The following KLF12 variants were observed in gnomAD, a reference collection of about 807,000 sequenced individuals.
KLF12 encodes the protein Krueppel-like factor 12.
A neutral mutation model predicts 37.8 loss-of-function variants in KLF12; 9 were observed. The observed-to-expected ratio is 0.24, with a 90% confidence interval of 0.14 to 0.42. KLF12 has a LOEUF of 0.42. Ranked by LOEUF, KLF12 falls within the 10% of genes least tolerant of loss-of-function variation. The pLI is 1.00. For synonymous variants in KLF12, 208 were observed against 202.1 expected, an observed-to-expected ratio of 1.03 and a Z score of -0.25; for missense variants, 411 against 516.0, an observed-to-expected ratio of 0.80 and a Z score of 1.97.
At chr13:74,110,598 C>T (rs1358441438) in intron 1 of KLF12, among the ~76,000 whole-genome samples, 2 of 152,066 alleles carry the variant, frequency 1.3e-5, no homozygotes, top group East Asian at 1.9e-4. Flanking sequence ...TCCTACTTTA[C>T]AGGTAGTACA....
At chr13:73,824,068 C>T (rs111643504) in intron 4 of KLF12, among the ~76,000 whole-genome samples, 2 of 152,192 alleles carry the variant, frequency 1.3e-5, no homozygotes, top group African/African-American at 4.8e-5. Context: ...TTTGTCCCTA[C>T]ACCCTGAACA....
intron 3 of KLF12, among the ~76,000 whole-genome samples, chr13:73,868,260 C>T (rs1399474230): frequency 6.8e-5 from 8 of 117,384 alleles, no homozygotes; most frequent in East Asian, 2.5e-4. Context: ...TGCGGTGAGC[C>T]GAGATGGTAC....
chr13:73,713,436 T>A (rs1462134696), intron 7 of KLF12, among the ~76,000 whole-genome samples: 1 of 152,172 alleles, frequency 6.6e-6, no homozygotes, highest in Non-Finnish European at 1.5e-5. Flanking sequence ...CATCTGGTTG[T>A]TAATAACAAA....
intron 1 of KLF12, among the ~76,000 whole-genome samples, chr13:74,068,916 C>T (rs1874070913): frequency 6.6e-6 from 1 of 152,128 alleles, no homozygotes; most frequent in South Asian, 2.1e-4. Flanking sequence ...TATCTTTTAA[C>T]TAACTTTTTG....
chr13:73,850,919 T>G (rs978691620), intron 3 of KLF12, among the ~76,000 whole-genome samples: 1 of 152,264 alleles, frequency 6.6e-6, no homozygotes, highest in Non-Finnish European at 1.5e-5. Flanking sequence ...TTGTTTTGTA[T>G]CCTGTTGTGT....
intron 4 of KLF12, among the ~76,000 whole-genome samples, chr13:73,830,067 T>A (rs150339199): frequency 2.0e-5 from 3 of 152,218 alleles, no homozygotes; most frequent in Admixed American, 2.0e-4. Context: ...AGAAATGTGC[T>A]TGTTAATAGT....
At chr13:74,134,378 G>A (rs890198416), upstream of KLF12, among the ~76,000 whole-genome samples, 1 of 151,568 alleles carries the variant, frequency 6.6e-6, no homozygotes, top group African/African-American at 2.4e-5. Flanking sequence ...CGCTCCGCCC[G>A]AGGATTAGGA....
At chr13:74,015,609 T>A (rs1221962006) in intron 1 of KLF12, among the ~76,000 whole-genome samples, 1 of 152,208 alleles carries the variant, frequency 6.6e-6, no homozygotes, top group Non-Finnish European at 1.5e-5. Flanking sequence ...CTAGATATAC[T>A]TACATACACC....
chr13:73,802,150 T>C (rs553204078), intron 5 of KLF12: 68 of 152,206 alleles, frequency 4.5e-4, no homozygotes, highest in African/African-American at 1.5e-3. Context: ...ATGTCAACCA[T>C]AGAAATGGAG....
chr13:73,965,171 C>T (rs928670177), intron 2 of KLF12, among the ~76,000 whole-genome samples: 1 of 152,040 alleles, frequency 6.6e-6, no homozygotes, highest in South Asian at 2.1e-4. Context: ...AACATGGCTA[C>T]TTCACAAACA....
At chr13:73,771,839 C>T (rs1880291150) in intron 5 of KLF12, among the ~76,000 whole-genome samples, 1 of 152,170 alleles carries the variant, frequency 6.6e-6, no homozygotes, top group Non-Finnish European at 1.5e-5. Flanking sequence ...GAGGAAGAGA[C>T]TTTTAGGCTA....
chr13:74,082,636 T>G (rs968583355), intron 1 of KLF12, among the ~76,000 whole-genome samples: 1 of 152,172 alleles, frequency 6.6e-6, no homozygotes, highest in African/African-American at 2.4e-5. Context: ...TTAGTGAAGA[T>G]GAACATGTAC....
chr13:73,785,357 G>A (rs574895480), intron 5 of KLF12, among the ~76,000 whole-genome samples: 3 of 151,968 alleles, frequency 2.0e-5, no homozygotes, highest in Non-Finnish European at 4.4e-5. Flanking sequence ...CAAGTGATCC[G>A]CTCACCTCCG....
chr13:73,732,660 T>A (rs1345098809), intron 6 of KLF12, among the ~76,000 whole-genome samples: 1 of 152,200 alleles, frequency 6.6e-6, no homozygotes, highest in Non-Finnish European at 1.5e-5. Flanking sequence ...CCGTTTCTCC[T>A]TTCTGTTTCA....
At chr13:74,082,377 G>A (rs915687527) in intron 1 of KLF12, among the ~76,000 whole-genome samples, 2 of 152,136 alleles carry the variant, frequency 1.3e-5, no homozygotes, top group East Asian at 3.8e-4. Context: ...CATAGCTTGA[G>A]CTTTCATAGC....
At chr13:74,183,809 T>C in the KLF12 span, among the ~76,000 whole-genome samples, 74 of 152,204 alleles carry the variant, frequency 4.9e-4, no homozygotes, top group African/African-American at 1.7e-3. Flanking sequence ...TGGTGGCACA[T>C]GCCTGTAATC....
chr13:74,155,517 A>G, the KLF12 span, among the ~76,000 whole-genome samples: 3 of 151,856 alleles, frequency 2.0e-5, no homozygotes, highest in African/African-American at 4.8e-5. Flanking sequence ...ACCCGCCACC[A>G]TGCCTGGCTA....
intron 3 of KLF12, among the ~76,000 whole-genome samples, chr13:73,888,135 T>A (rs1355562424): frequency 6.6e-6 from 1 of 152,080 alleles, no homozygotes; most frequent in Non-Finnish European, 1.5e-5. Context: ...CCCAAGTAGC[T>A]GGGACCACAG....
intron 5 of KLF12, among the ~76,000 whole-genome samples, chr13:73,769,992 T>C (rs1594070493): frequency 6.6e-6 from 1 of 152,310 alleles, no homozygotes; most frequent in Non-Finnish European, 1.5e-5. Flanking sequence ...TAAAACCATT[T>C]AGGTTATATA....
Sources: gnomAD v4.1 joint callset for allele counts (sites outside exome capture counted in the v4.1 genomes callset) on GRCh38, gnomAD v4.1.1 for gene constraint, MANE v1.5 for transcripts, NCBI Gene and HGNC (gene_info 2026-07-23, HGNC 2026-07-21) for gene names.